Variants in SLC35G2 observed in about 807,000 individuals in gnomAD.
The protein encoded by SLC35G2 is solute carrier family 35 member G2.
In SLC35G2, 20 loss-of-function variants were observed where a neutral mutation model predicts 27.2. That is an observed-to-expected ratio of 0.74 (90% CI 0.52 to 1.07). SLC35G2 has a LOEUF of 1.07. Ranked by LOEUF, SLC35G2 falls within the 50% of genes least tolerant of loss-of-function variation. The pLI, the probability that SLC35G2 is intolerant of heterozygous loss-of-function variation, is 0.00. For synonymous variants in SLC35G2, 148 were observed against 165.3 expected, an observed-to-expected ratio of 0.90 and a Z score of 0.80; for missense variants, 416 against 493.3, an observed-to-expected ratio of 0.84 and a Z score of 1.48.
At chr3:136,835,779 A>G (rs1396368274) in intron 1 of SLC35G2, among the ~76,000 whole-genome samples, 2 of 151,722 alleles carry the variant, frequency 1.3e-5, no homozygotes, top group Non-Finnish European at 2.9e-5. Flanking sequence ...GTGGATTTCT[A>G]TTTTATCCAA....
chr3:136,826,649 A>C (rs1227210943), intron 1 of SLC35G2, among the ~76,000 whole-genome samples: 1 of 151,454 alleles, frequency 6.6e-6, no homozygotes, highest in East Asian at 1.9e-4. Flanking sequence ...TTTATTATTT[A>C]TTTATTTTTT....
At chr3:136,854,225 G>A (rs1330811677) in intron 1 of SLC35G2, among the ~76,000 whole-genome samples, 1 of 152,078 alleles carries the variant, frequency 6.6e-6, no homozygotes, top group African/African-American at 2.4e-5. Flanking sequence ...AAAGAGAAAT[G>A]GAGACAGACT....
chr3:136,855,108 G>C lies in SLC35G2; in HGVS notation c.648G>C (p.Glu216Asp), dbSNP rs1560022750. The C allele has an allele frequency of 3.7e-6, 6 of 1,614,164 alleles. No individual in the cohort carries two copies. In the Admixed American group the frequency reaches 6.7e-5, roughly 18 times the overall value. ...TTTTGGCTTTTTTACTCGTAGATGAGAAAATGGCTTATGTTGACATGGCTA... is the reference window on the plus strand; with the variant it reads ...TTTTGGCTTTTTTACTCGTAGATGACAAAATGGCTTATGTTGACATGGCTA... ...SAILAFLLVD[E>D]KMAYVDMATV... Residue 216 changes from glutamate (E) to aspartate (D), a missense_variant, in exon 2 of 2, where the codon GAG becomes GAC. Physicochemically the swap from Glu to Asp is conservative, Grantham distance 45. Coordinates refer to ENST00000446465, the MANE Select transcript of SLC35G2 (RefSeq NM_025246.3).
chr3:136,824,830 A>G (rs1354703399), intron 1 of SLC35G2, among the ~76,000 whole-genome samples: 2 of 152,090 alleles, frequency 1.3e-5, no homozygotes, highest in East Asian at 3.9e-4. Flanking sequence ...TACATGTGCC[A>G]TGTTTCTTTG....
intron 1 of SLC35G2, among the ~76,000 whole-genome samples, chr3:136,825,904 A>C (rs1212675449): frequency 6.6e-6 from 1 of 152,170 alleles, no homozygotes; most frequent in Non-Finnish European, 1.5e-5. Flanking sequence ...TCAGAGTAAT[A>C]CTGGCCTCAT....
chr3:136,835,650 T>C (rs1936847660), intron 1 of SLC35G2, among the ~76,000 whole-genome samples: 1 of 152,216 alleles, frequency 6.6e-6, no homozygotes, highest in African/African-American at 2.4e-5. Context: ...ACTAGGATGA[T>C]TGCCAAATTG....
chr3:136,854,975 G>T lies in SLC35G2; in HGVS notation c.515G>T (p.Gly172Val). 9 of 1,614,096 alleles carry T rather than the reference G, an allele frequency of 5.6e-6. No individual in the cohort carries two copies. Among genetic ancestry groups the T allele is most frequent in the Non-Finnish European group, 5.9e-6 (7 of 1,180,024 alleles). ...TACAGATTACGACTCTTCTTTTATG[G>T]TGTATGCAATGTCATTTCTATCACT... ...SGYRLRLFFY[G>V]VCNVISITCA... The change falls in exon 2 of 2, where the codon GGT becomes GTT. Residue 172 changes from glycine (G) to valine (V), a missense_variant. Physicochemically the swap from Gly to Val is moderately radical, Grantham distance 109 (BLOSUM62 -3). Transcript: ENST00000446465.
In SLC35G2 at chr3:136,855,772, G is replaced by T; in HGVS notation, c.*73G>T. 8.3e-7 allele frequency: 1 copy of T among 1,209,732 alleles called. No individual in the cohort carries two copies. The highest frequency in any genetic ancestry group is 2.3e-5 in the East Asian group (1 of 42,884). The allele number at this position is 1,209,732 out of a possible 1,614,324, so 74.9% of individuals were successfully genotyped here. On this transcript the variant is annotated 3_prime_UTR_variant, in exon 2 of 2. Transcript: ENST00000446465. ...GCCATTTTAATGTTTACCTATGAAT[G>T]TCTTTTGTGTTATATAACTGACAGA...
intron 1 of SLC35G2, among the ~76,000 whole-genome samples, chr3:136,830,617 C>T (rs1277980047): frequency 5.9e-5 from 9 of 151,916 alleles, no homozygotes; most frequent in African/African-American, 2.2e-4. Flanking sequence ...TGGAGTTTCA[C>T]CATGTTGGCC....
chr3:136,849,166 G>A (rs1270715439), intron 1 of SLC35G2, among the ~76,000 whole-genome samples: 2 of 146,618 alleles, frequency 1.4e-5, no homozygotes, highest in Non-Finnish European at 3.0e-5. Flanking sequence ...CAACAAGAAC[G>A]AAACTCCGTC....
intron 1 of SLC35G2, among the ~76,000 whole-genome samples, chr3:136,821,687 T>C (rs7614422): frequency 0.68 from 103,456 of 152,122 alleles, 35,476 homozygotes; most frequent in East Asian, 0.87. Flanking sequence ...CTGCCTTGGC[T>C]TCCCAAAGTG....
intron 1 of SLC35G2, among the ~76,000 whole-genome samples, chr3:136,843,657 G>A: frequency 1.3e-5 from 2 of 151,228 alleles, no homozygotes; most frequent in Admixed American, 1.3e-4. Flanking sequence ...AAAAGGCTGG[G>A]CGCAGTGGCT....
At chr3:136,849,790 G>C (rs1418067066) in intron 1 of SLC35G2, among the ~76,000 whole-genome samples, 1 of 151,584 alleles carries the variant, frequency 6.6e-6, no homozygotes, top group Non-Finnish European at 1.5e-5. Context: ...ACTGCACCTG[G>C]CCCATTGTTA....
In SLC35G2 at chr3:136,823,681, C is replaced by T. The variant is rs767979124; in HGVS notation, c.-19+4053C>T. On this transcript the variant is annotated intron_variant, in intron 1 of 1. Transcript: ENST00000446465. ...CTTGATCTCTGCTCACTGCAACCGC[C>T]GCCTCCCAGGTTCAAACGATTCTCC... Among the ~76,000 whole-genome samples, 9 of 152,032 alleles carry T rather than the reference C, an allele frequency of 5.9e-5. No homozygotes were observed. The South Asian group carries it at 1.0e-3, about 18-fold the overall frequency.
At chr3:136,849,921 A>C (rs1006705865) in intron 1 of SLC35G2, among the ~76,000 whole-genome samples, 1 of 149,028 alleles carries the variant, frequency 6.7e-6, no homozygotes, top group African/African-American at 2.4e-5. Flanking sequence ...CCTGACCAAC[A>C]TGGTGAAACC....
At chr3:136,844,166 T>TG (rs1214203314) in intron 1 of SLC35G2, among the ~76,000 whole-genome samples, 1 of 151,504 alleles carries the variant, frequency 6.6e-6, no homozygotes, top group African/African-American at 2.4e-5. Flanking sequence ...CACTCCAGCC[T>TG]GGCGACAGAG....
chr3:136,854,629 C>T lies in SLC35G2; in HGVS notation c.169C>T (p.Leu57=), dbSNP rs749513665. 3 of 1,613,238 alleles carry T rather than the reference C, an allele frequency of 1.9e-6. No homozygotes were observed. The highest frequency in any genetic ancestry group is 2.5e-6 in the Non-Finnish European group (3 of 1,179,854). The part of the protein sequence containing the change: ...NFMEENPKKG[L]LSEMKKKGRA... ...TATGGAGGAAAATCCAAAGAAAGGT[C>T]TGCTGAGTGAAATGAAAAAAAAAGG... Residue 57 remains leucine (L), a synonymous_variant, in exon 2 of 2, where the codon CTG becomes TTG. Transcript: ENST00000446465.
chr3:136,845,654 G>C (rs1435027454), intron 1 of SLC35G2, among the ~76,000 whole-genome samples: 2 of 150,674 alleles, frequency 1.3e-5, no homozygotes, highest in African/African-American at 4.9e-5. Flanking sequence ...TGGAGTCAGT[G>C]GCGCGATCTC....
intron 1 of SLC35G2, among the ~76,000 whole-genome samples, chr3:136,852,736 G>A (rs573581751): frequency 4.9e-4 from 74 of 152,106 alleles, no homozygotes; most frequent in Non-Finnish European, 9.3e-4. Context: ...CAGGTGATCT[G>A]CCTACCTCGG....
Sources: gnomAD v4.1 joint callset for allele counts (sites outside exome capture counted in the v4.1 genomes callset) on GRCh38, gnomAD v4.1.1 for gene constraint, MANE v1.5 for transcripts, NCBI Gene and HGNC (gene_info 2026-07-23, HGNC 2026-07-21) for gene names.